Variants in CHN2 observed in about 807,000 individuals in gnomAD.
CHN2 encodes beta-chimaerin.
In CHN2, 35 loss-of-function variants were observed where a neutral mutation model predicts 56.3. The ratio of observed to expected loss-of-function variants is 0.62; its 90% CI spans 0.47 to 0.82. The LOEUF is 0.82. Among genes scored for constraint, CHN2 ranks in the 40% least tolerant of loss-of-function variants. The pLI is 0.00. For synonymous variants in CHN2, 210 were observed against 212.8 expected, an observed-to-expected ratio of 0.99 and a Z score of 0.12; for missense variants, 491 against 580.5, an observed-to-expected ratio of 0.85 and a Z score of 1.58.
intron 2 of CHN2, among the ~76,000 whole-genome samples, chr7:29,356,725 T>G (rs1038318462): frequency 6.6e-6 from 1 of 152,230 alleles, no homozygotes; most frequent in African/African-American, 2.4e-5. Context: ...GTGCTGGGTC[T>G]CTAAGGGCCC....
chr7:29,288,596 C>A (rs1199619492), intron 1 of CHN2, among the ~76,000 whole-genome samples: 1 of 151,916 alleles, frequency 6.6e-6, no homozygotes, highest in Non-Finnish European at 1.5e-5. Context: ...AATCAAGGGG[C>A]TTGGCCATTT....
chr7:29,373,354 A>G (rs1799774063), intron 3 of CHN2, among the ~76,000 whole-genome samples: 1 of 151,516 alleles, frequency 6.6e-6, no homozygotes, highest in African/African-American at 2.4e-5. Flanking sequence ...TTTTTTTTTT[A>G]AGTAGACACA....
At chr7:29,321,570 C>CTTTCTTTCT (rs1554400949) in intron 1 of CHN2, among the ~76,000 whole-genome samples, 1 of 128,188 alleles carries the variant, frequency 7.8e-6, no homozygotes, top group Non-Finnish European at 1.6e-5. Context: ...TTCTTTCTTT[C>CTTTCTTTCT]TTTTTTTTTT....
At chr7:29,398,633 C>G (rs1263296394) in intron 5 of CHN2, 147 bp downstream of exon 5, 4 of 613,270 alleles carry the variant, frequency 6.5e-6, no homozygotes, top group Non-Finnish European at 1.2e-5. Flanking sequence ...GTCCCACTCT[C>G]TCACCCAGGC....
rs557312237 is a variant in CHN2, at chr7:29,344,204, C to G, written c.50-10421C>G. 3.0e-4 allele frequency among the ~76,000 whole-genome samples: 46 copies of G among 152,320 alleles called. No individual in the cohort carries two copies. The South Asian group carries it at 8.7e-3, about 29-fold the overall frequency. ...TTCAGATCATTAATGTCACCTTCCT[C>G]GGTTACTGGACAGTCCCTTGATTGG... On this transcript the variant is annotated intron_variant, in intron 1 of 12. Transcript: ENST00000222792.
chr7:29,210,421 C>A, intron 1 of CHN2, among the ~76,000 whole-genome samples: 1 of 151,882 alleles, frequency 6.6e-6, no homozygotes, highest in South Asian at 2.1e-4. Context: ...CAGGCACACA[C>A]ACACACCCCA....
At chr7:29,371,846 A>C (rs753453453) in intron 3 of CHN2, among the ~76,000 whole-genome samples, 1 of 151,992 alleles carries the variant, frequency 6.6e-6, no homozygotes, top group Non-Finnish European at 1.5e-5. Context: ...TATATCTCGC[A>C]TTGTCCACTG....
rs183353660 is a variant in CHN2 at position 29,367,264 on chromosome 7, G to A, written c.89-668G>A. Among the ~76,000 whole-genome samples the A allele has an allele frequency of 2.6e-5, 4 of 152,180 alleles. No homozygotes were observed. The East Asian group carries it at 7.7e-4, about 29-fold the overall frequency. Reference sequence around the variant, plus strand: ...ATGACCTGCCTTCCTCCTTGCCTAAGCCTGAAAGTCTGTCTTTAAATTAGG... The same window carrying A: ...ATGACCTGCCTTCCTCCTTGCCTAAACCTGAAAGTCTGTCTTTAAATTAGG... On this transcript the variant is annotated intron_variant, in intron 2 of 12. Coordinates refer to ENST00000222792, the MANE Select transcript of CHN2 (RefSeq NM_004067.4).
At chr7:29,327,723 C>T (rs949539792) in intron 1 of CHN2, among the ~76,000 whole-genome samples, 3 of 152,096 alleles carry the variant, frequency 2.0e-5, no homozygotes, top group African/African-American at 4.8e-5. Context: ...GAGCCTAGAG[C>T]GCCGTATAAA....
chr7:29,157,836 T>TAA (rs111855752), intron 2 of CHN2, among the ~76,000 whole-genome samples: 2 of 148,862 alleles, frequency 1.3e-5, no homozygotes, highest in Non-Finnish European at 1.5e-5. Flanking sequence ...AGGAGGATGC[T>TAA]AAAAAAAAAA....
chr7:29,342,812 A>G (rs1445677028), intron 1 of CHN2, among the ~76,000 whole-genome samples: 1 of 152,228 alleles, frequency 6.6e-6, no homozygotes, highest in Non-Finnish European at 1.5e-5. Flanking sequence ...TGTTATGGTG[A>G]TATGTACATG....
intron 1 of CHN2, among the ~76,000 whole-genome samples, chr7:29,244,623 G>A (rs763500392): frequency 3.3e-5 from 5 of 152,240 alleles, no homozygotes; most frequent in Non-Finnish European, 5.9e-5. Flanking sequence ...AGTGGTGTAC[G>A]TGCGCGCCAT....
intron 2 of CHN2, among the ~76,000 whole-genome samples, chr7:29,166,160 A>G (rs111261838): frequency 3.7e-4 from 57 of 152,098 alleles, no homozygotes; most frequent in African/African-American, 1.4e-3. Context: ...CCTCCCAAGT[A>G]GCTAGGACCA....
chr7:29,366,895 T>G (rs991749632), intron 2 of CHN2, among the ~76,000 whole-genome samples: 7 of 152,242 alleles, frequency 4.6e-5, no homozygotes, highest in Non-Finnish European at 1.0e-4. Context: ...TGTTTCCATA[T>G]GATCACTACC....
At chr7:29,375,385 A>G (rs1799994855) in intron 3 of CHN2, among the ~76,000 whole-genome samples, 1 of 144,060 alleles carries the variant, frequency 6.9e-6, no homozygotes, top group Admixed American at 6.9e-5. Flanking sequence ...TAGTAGAGAC[A>G]GGGTTTCACC....
chr7:29,428,675 A>T (rs1447607708), intron 6 of CHN2, among the ~76,000 whole-genome samples: 1 of 152,180 alleles, frequency 6.6e-6, no homozygotes, highest in East Asian at 1.9e-4. Context: ...ACGTGACATA[A>T]TGCTACTTTT....
chr7:29,277,028 C>A (rs1398208788), intron 1 of CHN2, among the ~76,000 whole-genome samples: 1 of 152,162 alleles, frequency 6.6e-6, no homozygotes, highest in Non-Finnish European at 1.5e-5. Context: ...TAGTGGGTTA[C>A]CACATGTTGC....
At chr7:29,215,172 A>C (rs571980531) in intron 1 of CHN2, among the ~76,000 whole-genome samples, 298 of 152,304 alleles carry the variant, frequency 2.0e-3, no homozygotes, top group Non-Finnish European at 3.5e-3. Flanking sequence ...TTAACAATTA[A>C]ATATTTTAGT....
At chr7:29,320,285 C>T (rs1275767790) in intron 1 of CHN2, among the ~76,000 whole-genome samples, 1 of 152,134 alleles carries the variant, frequency 6.6e-6, no homozygotes, top group African/African-American at 2.4e-5. Flanking sequence ...CCCAGAGCCA[C>T]CAAACTGTGG....
Sources: allele counts gnomAD v4.1 joint callset (sites outside exome capture counted in the v4.1 genomes callset), GRCh38; gene constraint gnomAD v4.1.1; transcripts MANE v1.5; gene names NCBI Gene and HGNC (gene_info 2026-07-23, HGNC 2026-07-21).